Variants in KLLN observed in about 807,000 individuals in gnomAD.
KLLN encodes the protein killin, p53 regulated DNA replication inhibitor, also known as killin.
For missense variants in KLLN, 340 were observed against 241.3 expected, an observed-to-expected ratio of 1.41 and a Z score of -2.71; for synonymous variants, 142 against 102.2, an observed-to-expected ratio of 1.39 and a Z score of -2.35.
chr10:87,862,120 C>T lies in KLLN; in HGVS notation c.368G>A (p.Arg123His). ...TGARTSLPKERCRGWRLGNWL... is the reference protein window; with the variant it reads ...TGARTSLPKEHCRGWRLGNWL... Reference sequence around the variant, plus strand: ...GTTCCCCAAGCGCCAGCCCCGACAGCGCTCCTTCGGGAGGCTGGTCCGAGC... The same window carrying T: ...GTTCCCCAAGCGCCAGCCCCGACAGTGCTCCTTCGGGAGGCTGGTCCGAGC... Residue 123 changes from arginine to histidine, a missense_variant, in exon 1 of 1, where the codon CGC becomes CAC. By Grantham distance (29) the Arg-to-His change is conservative (BLOSUM62 0). Coordinates refer to ENST00000445946, the MANE Select transcript of KLLN (RefSeq NM_001126049.2). 1.3e-6 allele frequency: 2 copies of T among 1,546,128 alleles called. No individual in the cohort carries two copies. The highest frequency in any genetic ancestry group is 1.7e-6 in the Non-Finnish European group (2 of 1,143,722).
rs2132135755 is a variant in KLLN at position 87,861,088 on chromosome 10, C to T, written c.*863G>A. 1.3e-5 allele frequency: 2 copies of T among 152,336 alleles called. No homozygotes were observed. The highest frequency in any genetic ancestry group is 4.1e-4 in the South Asian group (2 of 4,834). 9.4% of individuals were successfully genotyped at this position (152,336 alleles called of 1,614,324 possible). ...CAGCAGGTTGTTAACTCCTGCACAG[C>T]TATCTTAAATGCTGTATATAAGTGC... On this transcript the variant is annotated 3_prime_UTR_variant, in exon 1 of 1. Coordinates refer to ENST00000445946, the MANE Select transcript of KLLN (RefSeq NM_001126049.2).
In KLLN at chr10:87,861,142, A is replaced by T. The variant is rs1179234767; in HGVS notation, c.*809T>A. 1 of 152,244 alleles carries T rather than the reference A, an allele frequency of 6.6e-6. No homozygotes were observed. Among genetic ancestry groups the T allele is most frequent in the Non-Finnish European group, 1.5e-5 (1 of 68,046 alleles). 9.4% of individuals were successfully genotyped at this position (152,244 alleles called of 1,614,324 possible). A position where few individuals can be genotyped will look rare whatever the true frequency, so the allele number is the denominator to read the frequency against. Reference sequence around the variant, plus strand: ...GTTTTATGGAGCCTCAGAGGTCTCTAAGAACACTGTAAATATCCCAGGTTT... The same window carrying T: ...GTTTTATGGAGCCTCAGAGGTCTCTTAGAACACTGTAAATATCCCAGGTTT... On this transcript the variant is annotated 3_prime_UTR_variant, in exon 1 of 1. Transcript: ENST00000445946.
rs1034427257 is a variant in KLLN, at chr10:87,862,056, G to T, written c.432C>A (p.Arg144=). 14 of 1,494,600 alleles carry T rather than the reference G, an allele frequency of 9.4e-6. No homozygotes were observed. In the Admixed American group the frequency reaches 9.5e-5, roughly 10 times the overall value. 92.6% of individuals were successfully genotyped at this position (1,494,600 alleles called of 1,614,324 possible). ...TCGGCGGCAGCCAGCAGGCGGGGAG[G>T]CGGGGGCACGTGTTTGGATGTGGGT... ...HKHPHPNTCP[R]LPACWLPPIL... The change falls in exon 1 of 1, where the codon CGC becomes CGA. Residue 144 remains arginine, a synonymous_variant. Transcript: ENST00000445946.
In KLLN at chr10:87,862,736, C is replaced by T; in HGVS notation, c.-249G>A. The T allele has an allele frequency of 3.7e-6, 2 of 543,106 alleles. No individual in the cohort carries two copies. The highest frequency in any genetic ancestry group is 2.8e-5 in the South Asian group (1 of 35,586). 33.6% of individuals were successfully genotyped at this position (543,106 alleles called of 1,614,324 possible). A position where few individuals can be genotyped will look rare whatever the true frequency, so the allele number is the denominator to read the frequency against. On this transcript the variant is annotated 5_prime_UTR_variant, in exon 1 of 1. The change creates a new upstream start codon in the 5' untranslated region. Coordinates refer to ENST00000445946, the MANE Select transcript of KLLN (RefSeq NM_001126049.2). ...AACGGCTATGTGTTCACGTTCAGCACGCTCGGCTGAGAGCTTTCATTTTTA... is the reference window on the plus strand; with the variant it reads ...AACGGCTATGTGTTCACGTTCAGCATGCTCGGCTGAGAGCTTTCATTTTTA...
rs1199180487 is a variant in KLLN at position 87,862,351 on chromosome 10, A to C, written c.137T>G (p.Phe46Cys). The change falls in exon 1 of 1, where the codon TTC (phenylalanine) becomes TGC (cysteine). Residue 46 changes from phenylalanine to cysteine, a missense_variant. Coordinates refer to ENST00000445946, the MANE Select transcript of KLLN (RefSeq NM_001126049.2). ...EWAGRGDLGGFKRRWKDTRAT... is the reference protein window; with the variant it reads ...EWAGRGDLGGCKRRWKDTRAT... ...CCGTGTATCCTTCCACCTCCTTTTG[A>C]ACCCTCCTAGGTCTCCTCGCCCCGC... is the stretch of plus-strand genomic sequence containing the variant. 3.9e-6 allele frequency: 6 copies of C among 1,551,406 alleles called. No homozygotes were observed. Among genetic ancestry groups the C allele is most frequent in the Admixed American group, 3.9e-5 (2 of 50,978 alleles).
At position 87,862,441 on chromosome 10, in the gene KLLN, T is replaced by C; in HGVS notation, c.47A>G (p.His16Arg). The change falls in exon 1 of 1, where the codon CAC becomes CGC. Residue 16 changes from histidine (H) to arginine (R), a missense_variant. Coordinates refer to ENST00000445946, the MANE Select transcript of KLLN (RefSeq NM_001126049.2). ...PGSARPGRTV[H>R]VWGYRVEWKV... ...CCACTCAACCCGGTAACCCCAAACGTGCACGGTCCGGCCGGGGCGCGCGGA... is the reference window on the plus strand; with the variant it reads ...CCACTCAACCCGGTAACCCCAAACGCGCACGGTCCGGCCGGGGCGCGCGGA... The C allele has an allele frequency of 6.4e-7, 1 of 1,551,248 alleles. No individual in the cohort carries two copies. Among genetic ancestry groups the C allele is most frequent in the Non-Finnish European group, 8.7e-7 (1 of 1,146,758 alleles).
chr10:87,862,253 G>T lies in KLLN; in HGVS notation c.235C>A (p.Pro79Thr), dbSNP rs955543891. The T allele has an allele frequency of 6.4e-7, 1 of 1,551,728 alleles. No individual in the cohort carries two copies. Among genetic ancestry groups the T allele is most frequent in the Non-Finnish European group, 8.7e-7 (1 of 1,147,000 alleles). ...LVGELSKFPL[P>T]SDSSGGKSSS... ...GACTTGCCTCCGGAGCTATCACTGGGGAGTGGGAATTTGGAAAGTTCCCCA... is the reference window on the plus strand; with the variant it reads ...GACTTGCCTCCGGAGCTATCACTGGTGAGTGGGAATTTGGAAAGTTCCCCA... The change falls in exon 1 of 1, where the codon CCC becomes ACC. Residue 79 changes from proline (P) to threonine (T), a missense_variant. Pro to Thr is a conservative substitution (Grantham distance 38). Coordinates refer to ENST00000445946, the MANE Select transcript of KLLN (RefSeq NM_001126049.2).
chr10:87,862,344 C>G lies in KLLN; in HGVS notation c.144G>C (p.Arg48Ser). The G allele has an allele frequency of 6.4e-7, 1 of 1,551,720 alleles. No homozygotes were observed. The highest frequency in any genetic ancestry group is 8.7e-7 in the Non-Finnish European group (1 of 1,146,992). Residue 48 changes from arginine to serine, a missense_variant, in exon 1 of 1, where the codon AGG (arginine) becomes AGC (serine). Physicochemically the swap from Arg to Ser is moderately radical, Grantham distance 110. Transcript: ENST00000445946. ...AGRGDLGGFK[R>S]RWKDTRATVG... ...CTGTGGCCCGTGTATCCTTCCACCT[C>G]CTTTTGAACCCTCCTAGGTCTCCTC... is the stretch of plus-strand genomic sequence containing the variant.
Position 87,860,871 on chromosome 10 carries a change from A to G in KLLN, c.*1080T>C, listed in dbSNP as rs1295086444. On this transcript the variant is annotated 3_prime_UTR_variant, in exon 1 of 1. Coordinates refer to ENST00000445946, the MANE Select transcript of KLLN (RefSeq NM_001126049.2). ...GAACTCCTTATCTTTGGTTATTTAT[A>G]CAATAATGAAATCTGTAGTTCACGC... 2 of 152,232 alleles carry G rather than the reference A, an allele frequency of 1.3e-5. No individual in the cohort carries two copies. Among genetic ancestry groups the G allele is most frequent in the Non-Finnish European group, 2.9e-5 (2 of 68,044 alleles). The allele number at this position is 152,232 out of a possible 1,614,324, so 9.4% of individuals were successfully genotyped here.
At position 87,862,008 on chromosome 10, in the gene KLLN, T is replaced by A; in HGVS notation, c.480A>T (p.Arg160Ser). 6.8e-7 allele frequency: 1 copy of A among 1,476,356 alleles called. No homozygotes were observed. The allele number at this position is 1,476,356 out of a possible 1,614,324, so 91.5% of individuals were successfully genotyped here. ...CGAGGAGTGGCACCAGTTTGGGGAC[T>A]CTCTCCCCGCGTTCTGTAAGAATCG... Reference protein sequence around the residue: ...LPPILTERGERVPKLVPLLAC... With the variant: ...LPPILTERGESVPKLVPLLAC... The change falls in exon 1 of 1, where the codon AGA (arginine) becomes AGT (serine). Residue 160 changes from arginine (R) to serine (S), a missense_variant. By Grantham distance (110) the Arg-to-Ser change is moderately radical. Transcript: ENST00000445946.
chr10:87,859,202 T>C lies in KLLN; in HGVS notation c.*2749A>G, dbSNP rs1858218564. 1 of 152,180 alleles carries C rather than the reference T, an allele frequency of 6.6e-6. No individual in the cohort carries two copies. Among genetic ancestry groups the C allele is most frequent in the Non-Finnish European group, 1.5e-5 (1 of 68,038 alleles). The allele number at this position is 152,180 out of a possible 1,614,324, so 9.4% of individuals were successfully genotyped here. A position where few individuals can be genotyped will look rare whatever the true frequency, so the allele number is the denominator to read the frequency against. On this transcript the variant is annotated 3_prime_UTR_variant, in exon 1 of 1. Coordinates refer to ENST00000445946, the MANE Select transcript of KLLN (RefSeq NM_001126049.2). ...ATTATCTTTATTGAAAGAACAATAA[T>C]GTTTGTTATTAGGATAAATGAAATA... is the stretch of plus-strand genomic sequence containing the variant.
At position 87,862,510 on chromosome 10, in the gene KLLN, C is replaced by T. The variant is rs1858293401; in HGVS notation, c.-23G>A. ...CATCCTGCCGGGTTTTCACGGCGGC[C>T]AAGGGGGGGCGGGGCTAGGTGGTCT... is the stretch of plus-strand genomic sequence containing the variant. On this transcript the variant is annotated 5_prime_UTR_variant, in exon 1 of 1. Coordinates refer to ENST00000445946, the MANE Select transcript of KLLN (RefSeq NM_001126049.2). 3.3e-6 allele frequency: 5 copies of T among 1,531,672 alleles called. No homozygotes were observed. Among genetic ancestry groups the T allele is most frequent in the Non-Finnish European group, 4.4e-6 (5 of 1,135,202 alleles). The allele number at this position is 1,531,672 out of a possible 1,614,324, so 94.9% of individuals were successfully genotyped here.
In KLLN at chr10:87,861,954, G is replaced by A; in HGVS notation, c.534C>T (p.Asp178=). The change falls in exon 1 of 1, where the codon GAC becomes GAT. Residue 178 remains aspartate (D), a synonymous_variant. Coordinates refer to ENST00000445946, the MANE Select transcript of KLLN (RefSeq NM_001126049.2). The stretch of plus-strand genomic sequence containing the variant: ...AGCAAGGAGTGAGTCTCAGGTCTCA[G>A]TCCTTTGGCTTGCTCTTAGGGTAGC... The part of the protein sequence containing the change: ...LACYPKSKPK[D] 1 of 1,457,744 alleles carries A rather than the reference G, an allele frequency of 6.9e-7. No homozygotes were observed. The highest frequency in any genetic ancestry group is 9.1e-7 in the Non-Finnish European group (1 of 1,103,246). 90.3% of individuals were successfully genotyped at this position (1,457,744 alleles called of 1,614,324 possible). A position where few individuals can be genotyped will look rare whatever the true frequency, so the allele number is the denominator to read the frequency against.
rs1398947818 is a variant in KLLN at position 87,862,386 on chromosome 10, G to C, written c.102C>G (p.Pro34=). The C allele has an allele frequency of 6.4e-7, 1 of 1,551,540 alleles. No homozygotes were observed. Among genetic ancestry groups the C allele is most frequent in the Non-Finnish European group, 8.7e-7 (1 of 1,146,984 alleles). The change falls in exon 1 of 1, where the codon CCC becomes CCG. Residue 34 remains proline, a synonymous_variant. Coordinates refer to ENST00000445946, the MANE Select transcript of KLLN (RefSeq NM_001126049.2). ...WKVRNGRKLQ[P]SEWAGRGDLG... is the part of the protein sequence containing the mutation. ...GGTCTCCTCGCCCCGCCCACTCGCT[G>C]GGCTGCAGCTTCCTACCGTTCCGTA...
Position 87,859,903 on chromosome 10 carries a change from G to C in KLLN, c.*2048C>G, listed in dbSNP as rs1858228613. The C allele has an allele frequency of 1.3e-5, 2 of 151,668 alleles. No individual in the cohort carries two copies. The highest frequency in any genetic ancestry group is 4.9e-5 in the African/African-American group (2 of 41,114). 9.4% of individuals were successfully genotyped at this position (151,668 alleles called of 1,614,324 possible). ...TAGCCCGGCATGATGGTGTGCGCCT[G>C]TAGTCCCAGCTACTCGGGAGGCTGA... On this transcript the variant is annotated 3_prime_UTR_variant, in exon 1 of 1. Transcript: ENST00000445946.
rs983573108 is a variant in KLLN at position 87,860,947 on chromosome 10, C to A, written c.*1004G>T. ...CTCTGGAAATCAACTGGAGGCCTTT[C>A]TCTTACTCTTTTCCGGTTGCTTTCC... On this transcript the variant is annotated 3_prime_UTR_variant, in exon 1 of 1. Coordinates refer to ENST00000445946, the MANE Select transcript of KLLN (RefSeq NM_001126049.2). 2 of 152,238 alleles carry A rather than the reference C, an allele frequency of 1.3e-5. No homozygotes were observed. The highest frequency in any genetic ancestry group is 4.8e-5 in the African/African-American group (2 of 41,448). 9.4% of individuals were successfully genotyped at this position (152,238 alleles called of 1,614,324 possible). A position where few individuals can be genotyped will look rare whatever the true frequency, so the allele number is the denominator to read the frequency against.
chr10:87,862,533 T>C lies in KLLN; in HGVS notation c.-46A>G. On this transcript the variant is annotated 5_prime_UTR_variant, in exon 1 of 1. Coordinates refer to ENST00000445946, the MANE Select transcript of KLLN (RefSeq NM_001126049.2). ...GCCAAGGGGGGGCGGGGCTAGGTGG[T>C]CTCTGAGAACCGAGCTTGACTCCGA... 2 of 1,491,838 alleles carry C rather than the reference T, an allele frequency of 1.3e-6. No individual in the cohort carries two copies. Among genetic ancestry groups the C allele is most frequent in the South Asian group, 2.5e-5 (2 of 78,842 alleles). The allele number at this position is 1,491,838 out of a possible 1,614,324, so 92.4% of individuals were successfully genotyped here.
rs1490376722 is a variant in KLLN at position 87,861,572 on chromosome 10, ACT to A, written c.*377_*378del. The A allele has an allele frequency of 2.1e-5, 4 of 193,958 alleles. No homozygotes were observed. Among genetic ancestry groups the A allele is most frequent in the Non-Finnish European group, 4.2e-5 (4 of 96,034 alleles). The allele number at this position is 193,958 out of a possible 1,614,324, so 12.0% of individuals were successfully genotyped here. A position where few individuals can be genotyped will look rare whatever the true frequency, so the allele number is the denominator to read the frequency against. On this transcript the variant is annotated 3_prime_UTR_variant, in exon 1 of 1. Coordinates refer to ENST00000445946, the MANE Select transcript of KLLN (RefSeq NM_001126049.2). ...GGGTGCGGGGTAGGAGTGCGATCCAACTCTCAGCATTTCCGAATCAGCTCTCT... is the reference window on the plus strand; with the variant it reads ...GGGTGCGGGGTAGGAGTGCGATCCAACTCAGCATTTCCGAATCAGCTCTCT...
rs755976514 is a variant in KLLN, at chr10:87,861,864, C to T, written c.*87G>A. On this transcript the variant is annotated 3_prime_UTR_variant, in exon 1 of 1. Transcript: ENST00000445946. Reference sequence around the variant, plus strand: ...CGGCAGGGCATCAGCGATGGAGAGGCCCGAGAGCCCTAGCGCCCAGCTCCT... The same window carrying T: ...CGGCAGGGCATCAGCGATGGAGAGGTCCGAGAGCCCTAGCGCCCAGCTCCT... The T allele has an allele frequency of 3.1e-6, 4 of 1,304,628 alleles. No individual in the cohort carries two copies. Among genetic ancestry groups the T allele is most frequent in the Non-Finnish European group, 4.1e-6 (4 of 972,158 alleles). The allele number at this position is 1,304,628 out of a possible 1,614,324, so 80.8% of individuals were successfully genotyped here. A position where few individuals can be genotyped will look rare whatever the true frequency, so the allele number is the denominator to read the frequency against.
Sources: allele counts gnomAD v4.1 joint callset, GRCh38; gene constraint gnomAD v4.1.1; transcripts MANE v1.5; gene names NCBI Gene and HGNC (gene_info 2026-07-23, HGNC 2026-07-21).